Variants in NAAA observed in about 807,000 individuals in gnomAD.
The protein encoded by NAAA is N-acylethanolamine acid amidase, also known as N-acylethanolamine-hydrolyzing acid amidase.
NAAA carries 39 observed loss-of-function variants against 44.8 expected under a neutral mutation model. The observed-to-expected ratio is 0.87, with a 90% CI of 0.67 to 1.14. The LOEUF (loss-of-function observed/expected upper bound fraction) is 1.14, where lower values mean the gene tolerates loss of function less well. NAAA is among the 50% of genes most tolerant of loss of function. The pLI is 0.00. For synonymous variants in NAAA, 178 were observed against 191.3 expected (o/e 0.93, Z 0.58); for missense variants, 460 against 467.8 (o/e 0.98, Z 0.15).
At chr4:75,912,560 A>C (rs979122208), downstream of NAAA, among the ~76,000 whole-genome samples, 2 of 143,120 alleles carry the variant, frequency 1.4e-5, no homozygotes, top group African/African-American at 5.5e-5. Context: ...TCTGGAAAAA[A>C]AAAAAAAAAA....
In NAAA at chr4:75,913,752, T is replaced by C. The variant is rs1391727062; in HGVS notation, c.*623A>G. 4.1e-6 allele frequency: 4 copies of C among 982,464 alleles called. No individual in the cohort carries two copies. In the Admixed American group the frequency reaches 2.5e-4, roughly 60 times the overall value. 60.9% of individuals were successfully genotyped at this position (982,464 alleles called of 1,614,324 possible). A position where few individuals can be genotyped will look rare whatever the true frequency, so the allele number is the denominator to read the frequency against. The stretch of plus-strand genomic sequence containing the variant: ...CATTAAGAAATAATTTGGTTGCATA[T>C]TATTTTCAAAAAGCAGTAAGAAAGT... On this transcript the variant is annotated 3_prime_UTR_variant, in exon 11 of 11. Coordinates refer to ENST00000286733, the MANE Select transcript of NAAA (RefSeq NM_014435.4).
intron 7 of NAAA, among the ~76,000 whole-genome samples, chr4:75,920,235 A>G (rs1308309100): frequency 6.6e-6 from 1 of 152,212 alleles, no homozygotes; most frequent in East Asian, 1.9e-4. Context: ...ACAGTGGCCA[A>G]ACTTGTGGGG....
chr4:75,923,459 G>C (rs1726363186), intron 5 of NAAA, among the ~76,000 whole-genome samples: 1 of 152,074 alleles, frequency 6.6e-6, no homozygotes, highest in Non-Finnish European at 1.5e-5. Flanking sequence ...TTGCACGGGT[G>C]AATGCCAGCA....
chr4:75,919,819 T>C (rs774913352), intron 8 of NAAA, 90 bp downstream of exon 8: 3 of 1,280,682 alleles, frequency 2.3e-6, no homozygotes, highest in East Asian at 2.3e-5. Context: ...AACGTTTTCA[T>C]CTACCAGAAG....
Position 75,914,040 on chromosome 4 carries a change from G to A in NAAA, c.*335C>T, listed in dbSNP as rs1513891. 0.061 allele frequency: 59,631 copies of A among 985,302 alleles called. 2,621 individuals are homozygous for A. The highest frequency in any genetic ancestry group is 0.22 in the African/African-American group (12,471 of 57,302). The allele number at this position is 985,302 out of a possible 1,614,324, so 61.0% of individuals were successfully genotyped here. A position where few individuals can be genotyped will look rare whatever the true frequency, so the allele number is the denominator to read the frequency against. ...AGCAAAGGTATGATGGCAGAATCAT[G>A]AGAAGATGGAAATAAGGCCTGAGGA... is the stretch of plus-strand genomic sequence containing the variant. On this transcript the variant is annotated 3_prime_UTR_variant, in exon 11 of 11. Transcript: ENST00000286733.
At chr4:75,933,714 A>C (rs186192194) in intron 3 of NAAA, among the ~76,000 whole-genome samples, 192 of 152,238 alleles carry the variant, frequency 1.3e-3, no homozygotes, top group Non-Finnish European at 2.4e-3. Context: ...CAGTTAACAT[A>C]AACAAACCCT....
At chr4:75,931,326 G>C in intron 3 of NAAA, 22 bp from the exon 4 acceptor site, 2 of 1,555,210 alleles carry the variant, frequency 1.3e-6, no homozygotes, top group Non-Finnish European at 1.8e-6. Context: ...AGATAACATG[G>C]ATCATTTCAC....
intron 8 of NAAA, 150 bp downstream of exon 8, chr4:75,919,759 T>TGAGCCACCGCGCCCGGCC: frequency 1.3e-6 from 1 of 762,638 alleles, no homozygotes; most frequent in Admixed American, 2.3e-5. Context: ...ATTACAGGTG[T>TGAGCCACCGCGCCCGGCC]GAGCCACCAC....
downstream of NAAA, among the ~76,000 whole-genome samples, chr4:75,912,619 A>G (rs1355009992): frequency 2.0e-5 from 3 of 151,778 alleles, no homozygotes; most frequent in Non-Finnish European, 2.9e-5. Flanking sequence ...TACTAAAAAT[A>G]CAGAATAAGC....
rs958727588 is a variant in NAAA, at chr4:75,940,062, C to T, written c.310G>A (p.Asp104Asn). 2 of 1,614,134 alleles carry T rather than the reference C, an allele frequency of 1.2e-6. No individual in the cohort carries two copies. The highest frequency in any genetic ancestry group is 1.7e-6 in the Non-Finnish European group (2 of 1,180,042). ...TCCGCCAGGCTGAGGTTCATGAAGT[C>T]ACACATGCCGCGGATCTCGCCGGTG... ...PFTGEIRGMC[D>N]FMNLSLADCL... The change falls in exon 2 of 11, where the codon GAC becomes AAC. Residue 104 changes from aspartate (D) to asparagine (N), a missense_variant. Physicochemically the swap from Asp to Asn is conservative, Grantham distance 23. Coordinates refer to ENST00000286733, the MANE Select transcript of NAAA (RefSeq NM_014435.4).
chr4:75,938,852 C>A (rs997556276), intron 2 of NAAA, among the ~76,000 whole-genome samples: 1 of 152,158 alleles, frequency 6.6e-6, no homozygotes, highest in Non-Finnish European at 1.5e-5. Flanking sequence ...CTTCTGGGTG[C>A]ACTTTTTTTC....
intron 3 of NAAA, among the ~76,000 whole-genome samples, chr4:75,933,507 G>A (rs988566992): frequency 2.6e-5 from 4 of 152,104 alleles, no homozygotes; most frequent in South Asian, 2.1e-4. Flanking sequence ...CCTCATTTGC[G>A]TGACACCGTG....
chr4:75,912,276 T>C (rs538035928), downstream of NAAA, among the ~76,000 whole-genome samples: 178 of 152,156 alleles, frequency 1.2e-3, 1 homozygote, highest in Non-Finnish European at 2.1e-3. Flanking sequence ...CTGGCCAGGC[T>C]GGGCGCGGTG....
chr4:75,932,185 C>T lies in NAAA; in HGVS notation c.499-881G>A, dbSNP rs74381946. Among the ~76,000 whole-genome samples, 259 of 152,218 alleles carry T rather than the reference C, an allele frequency of 1.7e-3. 1 individual carries two copies. Among genetic ancestry groups the T allele is most frequent in the African/African-American group, 5.8e-3 (239 of 41,548 alleles). On this transcript the variant is annotated intron_variant, in intron 3 of 10. Transcript: ENST00000286733. Reference sequence around the variant, plus strand: ...CGGAGGTTGCGGTGAACCGAGATAGCGCCATCACACTCCAGCCTGGGCAAC... The same window carrying T: ...CGGAGGTTGCGGTGAACCGAGATAGTGCCATCACACTCCAGCCTGGGCAAC...
At chr4:75,915,688 C>T (rs1725566977) in intron 9 of NAAA, among the ~76,000 whole-genome samples, 1 of 152,058 alleles carries the variant, frequency 6.6e-6, no homozygotes, top group Admixed American at 6.6e-5. Flanking sequence ...TTCCTTACAC[C>T]ATGCTTTGGG....
At chr4:75,937,843 G>T (rs547298598) in intron 2 of NAAA, among the ~76,000 whole-genome samples, 15 of 152,308 alleles carry the variant, frequency 9.8e-5, no homozygotes, top group Non-Finnish European at 1.8e-4. Flanking sequence ...GAGGGGACTG[G>T]TAAGACATGG....
chr4:75,939,960 C>T (rs1232986254), intron 2 of NAAA, 41 bp downstream of exon 2: 1 of 1,607,458 alleles, frequency 6.2e-7, no homozygotes. Flanking sequence ...CGGGGGCCCC[C>T]GCAAGCCCCG....
rs1560501879 is a variant in NAAA, at chr4:75,919,939, T to C, written c.939A>G (p.Gln313=). ...AAAGTGCCTCCAGGCTGAGGTTTGC[T>C]TGTCCTGTAGCATTAAGGGCCTTGA... ...SAIKALNATG[Q]ANLSLEALFQ... Residue 313 remains glutamine (Q), a synonymous_variant, in exon 8 of 11, where the codon CAA becomes CAG. Coordinates refer to ENST00000286733, the MANE Select transcript of NAAA (RefSeq NM_014435.4). 1 of 1,614,188 alleles carries C rather than the reference T, an allele frequency of 6.2e-7. No homozygotes were observed. Among genetic ancestry groups the C allele is most frequent in the Non-Finnish European group, 8.5e-7 (1 of 1,180,004 alleles).
intron 2 of NAAA, among the ~76,000 whole-genome samples, chr4:75,937,173 C>A (rs1727804062): frequency 6.6e-6 from 1 of 152,174 alleles, no homozygotes; most frequent in East Asian, 1.9e-4. Context: ...GTAATCCCAG[C>A]ACTTTGGGAG....
Sources: allele counts gnomAD v4.1 joint callset (sites outside exome capture counted in the v4.1 genomes callset), GRCh38; gene constraint gnomAD v4.1.1; transcripts MANE v1.5; gene names NCBI Gene and HGNC (gene_info 2026-07-23, HGNC 2026-07-21).